MYH11: variants seen among roughly 807,000 people sequenced by gnomAD.
MYH11 encodes the protein myosin-11.
Under a neutral mutation model 246.6 loss-of-function variants are expected in MYH11, and 80 were observed. The observed-to-expected ratio is 0.32, with a 90% CI of 0.27 to 0.39. MYH11 has a LOEUF of 0.39. Ranked by LOEUF, MYH11 falls within the 10% of genes least tolerant of loss-of-function variation. The probability of loss-of-function intolerance (pLI) is 1.00; values close to 1 mark genes in which losing one functional copy is unlikely to be tolerated. For synonymous variants in MYH11, 1,071 were observed against 1,015.5 expected (o/e 1.05, Z -1.04); for missense variants, 2,158 against 2,546.8 (o/e 0.85, Z 3.29).
chr16:15,741,370 C>T (rs2041266316), intron 22 of MYH11, 93 bp downstream of exon 22: 7 of 1,371,408 alleles, frequency 5.1e-6, no homozygotes, highest in Admixed American at 1.7e-5. Flanking sequence ...TCTGTCCCAG[C>T]AGGGACACAT....
intron 37 of MYH11, 143 bp from the exon 38 acceptor site, chr16:15,717,491 C>T (rs1219782775): frequency 1.2e-6 from 1 of 822,226 alleles, no homozygotes; most frequent in Non-Finnish European, 1.9e-6. Flanking sequence ...TCCTGTAAAA[C>T]TCCACTCAAG....
chr16:15,768,415 T>C (rs2042029979), intron 9 of MYH11, among the ~76,000 whole-genome samples: 1 of 152,104 alleles, frequency 6.6e-6, no homozygotes, highest in Non-Finnish European at 1.5e-5. Flanking sequence ...CCCTGGTCAC[T>C]TGGAGCCTCA....
intron 31 of MYH11, among the ~76,000 whole-genome samples, chr16:15,723,521 C>G (rs549126307): frequency 1.3e-5 from 2 of 152,242 alleles, no homozygotes; most frequent in East Asian, 3.9e-4. Context: ...GTGGTGTGCT[C>G]CTATAATCCC....
chr16:15,754,056 A>C (rs1445118717), intron 14 of MYH11, among the ~76,000 whole-genome samples: 1 of 151,664 alleles, frequency 6.6e-6, no homozygotes, highest in African/African-American at 2.4e-5. Flanking sequence ...AAATACAAAA[A>C]AAAAAAAAAA....
intron 1 of MYH11, among the ~76,000 whole-genome samples, chr16:15,853,668 G>A (rs1439287314): frequency 1.3e-5 from 2 of 152,120 alleles, no homozygotes; most frequent in African/African-American, 2.4e-5. Flanking sequence ...AAGTTGAAAG[G>A]TCAGGAGTGG....
At chr16:15,829,277 G>A (rs1945555935) in intron 2 of MYH11, among the ~76,000 whole-genome samples, 1 of 152,116 alleles carries the variant, frequency 6.6e-6, no homozygotes, top group Non-Finnish European at 1.5e-5. Flanking sequence ...AGAGGAATAT[G>A]ACTTCCATCC....
At chr16:15,833,310 A>C (rs1421643887) in intron 2 of MYH11, among the ~76,000 whole-genome samples, 2 of 151,592 alleles carry the variant, frequency 1.3e-5, no homozygotes, top group Non-Finnish European at 2.9e-5. Flanking sequence ...AGAAAGAAAA[A>C]GAAAAAAGAA....
At chr16:15,848,034 CTT>C (rs1361582334) in intron 1 of MYH11, among the ~76,000 whole-genome samples, 2 of 152,058 alleles carry the variant, frequency 1.3e-5, no homozygotes, top group Non-Finnish European at 2.9e-5. Flanking sequence ...CAACAGGACA[CTT>C]GAGTCTCTGG....
At position 15,719,342 on chromosome 16, in the gene MYH11, G is replaced by A. The variant is rs767662531; in HGVS notation, c.5083-34C>T. 8 of 1,602,726 alleles carry A rather than the reference G, an allele frequency of 5.0e-6. No individual in the cohort carries two copies. In the African/African-American group the frequency reaches 9.4e-5, roughly 19 times the overall value. ...GAGGGAGGAAGGCTGTTGTCTGCCAGGGAAAGGCCAAGCCCCACCAAGAGT... is the reference window on the plus strand; with the variant it reads ...GAGGGAGGAAGGCTGTTGTCTGCCAAGGAAAGGCCAAGCCCCACCAAGAGT... On this transcript the variant is annotated intron_variant, in intron 35 of 40. Transcript: ENST00000300036.
At chr16:15,831,751 C>T (rs1479922802) in intron 2 of MYH11, among the ~76,000 whole-genome samples, 1 of 151,966 alleles carries the variant, frequency 6.6e-6, no homozygotes, top group African/African-American at 2.4e-5. Flanking sequence ...CCAACCTGGC[C>T]AACATGGTGA....
At chr16:15,843,098 G>A (rs1324793045) in intron 1 of MYH11, among the ~76,000 whole-genome samples, 12 of 152,102 alleles carry the variant, frequency 7.9e-5, no homozygotes, top group South Asian at 4.2e-4. Flanking sequence ...AGCTGGGCAC[G>A]GTGGTTCACA....
At chr16:15,849,190 C>T (rs1393481567) in intron 1 of MYH11, among the ~76,000 whole-genome samples, 1 of 152,088 alleles carries the variant, frequency 6.6e-6, no homozygotes, top group Non-Finnish European at 1.5e-5. Flanking sequence ...AGGTGTGGGC[C>T]ACTATGCCCG....
At position 15,747,705 on chromosome 16, in the gene MYH11, T is replaced by C. The variant is rs747262043; in HGVS notation, c.2276A>G (p.Asn759Ser). 2 of 1,613,926 alleles carry C rather than the reference T, an allele frequency of 1.2e-6. No individual in the cohort carries two copies. Among genetic ancestry groups the C allele is most frequent in the South Asian group, 1.1e-5 (1 of 91,056 alleles). The change falls in exon 19 of 41, where the codon AAC becomes AGC. Residue 759 changes from asparagine to serine, a missense_variant. By Grantham distance (46) the Asn-to-Ser change is conservative. Around this residue, in one of 11 missense-constraint regions of MYH11, gnomAD observed 56 missense variants for 47.2 expected, o/e 1.19. Coordinates refer to ENST00000300036, the MANE Select transcript of MYH11 (RefSeq NM_002474.3). ...TTTGCTCTGCCCTATCCTGTATAAG[T>C]TGGGGTCAAGTTCCAGGGCTTTGAT... is the stretch of plus-strand genomic sequence containing the variant. ...LMIKALELDPNLYRIGQSKIF... is the reference protein window; with the variant it reads ...LMIKALELDPSLYRIGQSKIF...
intron 14 of MYH11, among the ~76,000 whole-genome samples, chr16:15,755,968 T>A (rs1216629610): frequency 6.6e-6 from 1 of 151,828 alleles, no homozygotes; most frequent in Non-Finnish European, 1.5e-5. Flanking sequence ...CATGGTGGTG[T>A]ACACCTGTAG....
At chr16:15,776,019 G>C in intron 8 of MYH11, 59 bp downstream of exon 8, 3 of 1,272,180 alleles carry the variant, frequency 2.4e-6, no homozygotes, top group Non-Finnish European at 3.5e-6. Context: ...CTTAACCCCG[G>C]ATTCTGATGA....
In MYH11 at chr16:15,714,938, G is replaced by A. The variant is rs138168272; in HGVS notation, c.5757C>T (p.Arg1919=). 880 of 1,614,004 alleles carry A rather than the reference G, an allele frequency of 5.5e-4. 5 individuals carry two copies. In the African/African-American group the frequency reaches 9.5e-3, roughly 17 times the overall value. The change falls in exon 40 of 41, where the codon CGC becomes CGT. Residue 1919 remains arginine (R), a synonymous_variant. Transcript: ENST00000300036. ...EATESNEAMG[R]EVNALKSKLR... Reference sequence around the variant, plus strand: ...GCTTGCTCTTGAGTGCGTTCACCTCGCGGCCCATGGCCTCGTTGCTCTCCG... The same window carrying A: ...GCTTGCTCTTGAGTGCGTTCACCTCACGGCCCATGGCCTCGTTGCTCTCCG...
rs780779062 is a variant in MYH11 at position 15,737,567 on chromosome 16, T to C, written c.3175A>G (p.Lys1059Glu). 6.2e-7 allele frequency: 1 copy of C among 1,613,946 alleles called. No homozygotes were observed. The highest frequency in any genetic ancestry group is 8.5e-7 in the Non-Finnish European group (1 of 1,180,010). Residue 1059 changes from lysine to glutamate, a missense_variant, in exon 25 of 41, where the codon AAG (lysine) becomes GAG (glutamate). Transcript: ENST00000300036. ...AAGTCGCTGGCATCACCCTCCAGCT[T>C]CCGTTTCAGCTTCTCCAGCTCCTGT... ...SRQELEKLKR[K>E]LEGDASDFHE...
At chr16:15,805,867 G>A (rs1170315096) in intron 3 of MYH11, among the ~76,000 whole-genome samples, 1 of 152,140 alleles carries the variant, frequency 6.6e-6, no homozygotes, top group Non-Finnish European at 1.5e-5. Context: ...AGTAAGCCAC[G>A]ACTGCACCAC....
At chr16:15,710,118 C>T (rs1420347575) in intron 40 of MYH11, among the ~76,000 whole-genome samples, 6 of 152,164 alleles carry the variant, frequency 3.9e-5, no homozygotes, top group Non-Finnish European at 7.3e-5. Context: ...TGTGTGTATT[C>T]GTGTCGGAAC....
Sources: allele counts gnomAD v4.1 joint callset (sites outside exome capture counted in the v4.1 genomes callset), GRCh38; gene constraint gnomAD v4.1.1; regional missense constraint gnomAD v4.1.1; transcripts MANE v1.5; gene names NCBI Gene and HGNC (gene_info 2026-07-23, HGNC 2026-07-21).